FOXN3: variants seen among roughly 807,000 people sequenced by gnomAD.
FOXN3 encodes forkhead box protein N3.
Under a neutral mutation model 38.4 loss-of-function variants are expected in FOXN3, and 7 were observed. That is an observed-to-expected ratio of 0.18 (90% confidence interval 0.10 to 0.34). FOXN3 has a LOEUF of 0.34. Among genes scored for constraint, FOXN3 ranks in the 10% least tolerant of loss-of-function variants. FOXN3 has a pLI of 1.00. For missense variants in FOXN3, 456 were observed against 613.4 expected, an observed-to-expected ratio of 0.74 and a Z score of 2.71; for synonymous variants, 230 against 242.2, an observed-to-expected ratio of 0.95 and a Z score of 0.47.
intron 3 of FOXN3, among the ~76,000 whole-genome samples, chr14:89,295,486 C>T (rs143993859): frequency 1.3e-5 from 2 of 152,162 alleles, no homozygotes; most frequent in East Asian, 1.9e-4. Flanking sequence ...TCACAGCACA[C>T]GGAAGATGGT....
At chr14:89,381,145 CAAAAAAAAA>C (rs71130067) in intron 2 of FOXN3, among the ~76,000 whole-genome samples, 2 of 64,204 alleles carry the variant, frequency 3.1e-5, no homozygotes, top group Non-Finnish European at 6.0e-5. Context: ...CCCTCCGTCT[CAAAAAAAAA>C]AAAAAAAAAA....
At chr14:89,275,519 C>T (rs868626860) in intron 4 of FOXN3, among the ~76,000 whole-genome samples, 1 of 152,180 alleles carries the variant, frequency 6.6e-6, no homozygotes, top group African/African-American at 2.4e-5. Flanking sequence ...AGACCAGAAC[C>T]CAGGTCCCTT....
At chr14:89,354,380 C>G (rs1485612981) in intron 2 of FOXN3, among the ~76,000 whole-genome samples, 1 of 150,742 alleles carries the variant, frequency 6.6e-6, no homozygotes, top group African/African-American at 2.4e-5. Flanking sequence ...CACCCGCCAC[C>G]ACGCCCGGCT....
chr14:89,443,731 C>T (rs574347957), intron 1 of FOXN3, among the ~76,000 whole-genome samples: 3 of 152,052 alleles, frequency 2.0e-5, no homozygotes, highest in Non-Finnish European at 2.9e-5. Flanking sequence ...AAGTTGGGGC[C>T]GGGCGCAGTG....
intron 1 of FOXN3, among the ~76,000 whole-genome samples, chr14:89,428,046 C>T (rs771630242): frequency 1.4e-4 from 22 of 152,126 alleles, no homozygotes; most frequent in African/African-American, 3.9e-4. Context: ...GTCTTATCCA[C>T]GCCAAGAAAT....
intron 1 of FOXN3, among the ~76,000 whole-genome samples, chr14:89,522,413 G>A (rs761994906): frequency 7.9e-5 from 12 of 152,220 alleles, no homozygotes; most frequent in East Asian, 7.7e-4. Flanking sequence ...GGAACTCTGC[G>A]TGTACACAAA....
chr14:89,441,580 C>T (rs1223530210), intron 1 of FOXN3, among the ~76,000 whole-genome samples: 1 of 152,186 alleles, frequency 6.6e-6, no homozygotes, highest in African/African-American at 2.4e-5. Flanking sequence ...AGACACCCTA[C>T]TAGCTGGAAC....
intron 1 of FOXN3, among the ~76,000 whole-genome samples, chr14:89,534,100 CT>C (rs79800046): frequency 0.056 from 6,403 of 113,546 alleles, 33 homozygotes; most frequent in African/African-American, 0.081. Context: ...ATTATACATT[CT>C]TTTTTTTTTT....
chr14:89,386,323 A>G lies in FOXN3; in HGVS notation c.543+25611T>C, dbSNP rs891443465. On this transcript the variant is annotated intron_variant, in intron 2 of 5. Transcript: ENST00000557258. ...TCGAGGAGTGTGTCATCTGCTCTCT[A>G]GTGAAAGCAGGAGCACTGGAGTCAG... Among the ~76,000 whole-genome samples, 20 of 152,224 alleles carry G rather than the reference A, an allele frequency of 1.3e-4. 1 individual carries two copies. The highest frequency in any genetic ancestry group is 1.5e-5 in the Non-Finnish European group (1 of 68,044).
At chr14:89,533,915 T>C (rs959694421) in intron 1 of FOXN3, among the ~76,000 whole-genome samples, 1 of 151,756 alleles carries the variant, frequency 6.6e-6, no homozygotes, top group African/African-American at 2.4e-5. Context: ...TGGTTGCTTT[T>C]TGCTTGACTG....
At chr14:89,511,064 T>C (rs1206689657) in intron 1 of FOXN3, among the ~76,000 whole-genome samples, 1 of 152,002 alleles carries the variant, frequency 6.6e-6, no homozygotes, top group East Asian at 1.9e-4. Context: ...TCCAGAAGGT[T>C]CCCCAACTCA....
At chr14:89,388,433 G>A (rs912795593) in intron 2 of FOXN3, among the ~76,000 whole-genome samples, 1 of 152,136 alleles carries the variant, frequency 6.6e-6, no homozygotes, top group African/African-American at 2.4e-5. Flanking sequence ...GGGCCACAGG[G>A]CCCAAGAGCT....
At position 89,556,451 on chromosome 14, in the gene FOXN3, A is replaced by C. The variant is rs115287676; in HGVS notation, c.-15+62577T>G. ...AATCAGACTCACTATGTGCCTCATC[A>C]ATGTATTAACCTATTCTCACTGGGT... On this transcript the variant is annotated intron_variant, in intron 1 of 6. Coordinates refer to the FOXN3 transcript ENST00000345097. 3.0e-4 allele frequency among the ~76,000 whole-genome samples: 45 copies of C among 151,804 alleles called. 1 individual carries two copies. Among genetic ancestry groups the C allele is most frequent in the African/African-American group, 6.8e-4 (28 of 41,320 alleles).
chr14:89,238,794 C>T (rs1885053699), intron 4 of FOXN3, among the ~76,000 whole-genome samples: 1 of 152,100 alleles, frequency 6.6e-6, no homozygotes, highest in Non-Finnish European at 1.5e-5. Flanking sequence ...ATATCAATAA[C>T]AATGCATTTA....
Position 89,219,982 on chromosome 14 carries a change from T to C in FOXN3, c.746-39176A>G, listed in dbSNP as rs1051865006. Among the ~76,000 whole-genome samples, 58 of 152,116 alleles carry C rather than the reference T, an allele frequency of 3.8e-4. 1 individual carries two copies. Among genetic ancestry groups the C allele is most frequent in the Non-Finnish European group, 1.6e-4 (11 of 67,986 alleles). ...CTAATCATCGGTCTGCAGTTGACTA[T>C]TTTTTTAAAATTATAATGATGTATA... is the stretch of plus-strand genomic sequence containing the variant. On this transcript the variant is annotated intron_variant, in intron 4 of 5. Coordinates refer to ENST00000557258, the MANE Select transcript of FOXN3 (RefSeq NM_005197.4).
chr14:89,432,926 C>T (rs1232994772), intron 1 of FOXN3, among the ~76,000 whole-genome samples: 2 of 152,188 alleles, frequency 1.3e-5, no homozygotes, highest in Non-Finnish European at 1.5e-5. Flanking sequence ...AGCGATTCTC[C>T]TGCCTTGACC....
intron 3 of FOXN3, among the ~76,000 whole-genome samples, chr14:89,308,194 G>A (rs2139955376): frequency 6.6e-6 from 1 of 152,344 alleles, no homozygotes; most frequent in Admixed American, 6.5e-5. Flanking sequence ...GAACCTGGGA[G>A]GTGAGGCTTC....
intron 1 of FOXN3, among the ~76,000 whole-genome samples, chr14:89,447,344 G>A (rs1057054051): frequency 5.9e-5 from 9 of 152,132 alleles, no homozygotes; most frequent in Non-Finnish European, 1.2e-4. Flanking sequence ...ATACAGGAGA[G>A]TGAACGCCTA....
upstream of FOXN3, among the ~76,000 whole-genome samples, chr14:89,418,411 G>GAC (rs1891814507): frequency 2.1e-5 from 2 of 94,414 alleles, no homozygotes; most frequent in East Asian, 4.5e-4. Context: ...TCAAAAAATA[G>GAC]ACCCCCCCCC....
Sources: gnomAD v4.1 joint callset for allele counts (sites outside exome capture counted in the v4.1 genomes callset) on GRCh38, gnomAD v4.1.1 for gene constraint, MANE v1.5 for transcripts, NCBI Gene and HGNC (gene_info 2026-07-23, HGNC 2026-07-21) for gene names.